Variants in TMEM132E observed in about 807,000 individuals in gnomAD.
TMEM132E encodes the protein transmembrane protein 132E.
TMEM132E carries 49 observed loss-of-function variants against 78.5 expected under a neutral mutation model. The observed-to-expected ratio is 0.62, with a 90% CI of 0.50 to 0.79. The LOEUF (loss-of-function observed/expected upper bound fraction) is 0.79. Ranked by LOEUF, TMEM132E falls within the 30% of genes least tolerant of loss-of-function variation. TMEM132E has a pLI of 0.00. For synonymous variants in TMEM132E, 715 were observed against 670.6 expected (o/e 1.07, Z -1.02); for missense variants, 1,403 against 1,470.9 (o/e 0.95, Z 0.75).
At position 34,639,114 on chromosome 17, in the gene TMEM132E, A is replaced by C. The variant is rs1907653107; in HGVS notation, c.*882A>C. 2.0e-5 allele frequency: 3 copies of C among 152,628 alleles called. No individual in the cohort carries two copies. In the South Asian group the frequency reaches 6.2e-4, roughly 32 times the overall value. The allele number at this position is 152,628 out of a possible 1,614,324, so 9.5% of individuals were successfully genotyped here. On this transcript the variant is annotated 3_prime_UTR_variant, in exon 9 of 9. Transcript: ENST00000631683. ...CAGCCACCTATGCCCCACAAGACGG[A>C]ACCCGGGAGGGGAGTAGAGGGCACC...
Position 34,637,795 on chromosome 17 carries a change from G to T in TMEM132E, c.2788G>T (p.Asp930Tyr). The change falls in exon 9 of 9, where the codon GAC becomes TAC. Residue 930 changes from aspartate to tyrosine, a missense_variant. Asp to Tyr is a radical substitution (Grantham distance 160). Around this residue, in one of 3 missense-constraint regions of TMEM132E, gnomAD observed 888 missense variants for 952.8 expected, o/e 0.93. Coordinates refer to ENST00000631683, the MANE Select transcript of TMEM132E (RefSeq NM_001304438.2). Reference protein sequence around the residue: ...RIPPEGQTSMDHSHHWVFLGN... With the variant: ...RIPPEGQTSMYHSHHWVFLGN... ...CCCGCCCGAGGGCCAGACCAGCATG[G>T]ACCACTCTCACCACTGGGTGTTCCT... The T allele has an allele frequency of 6.2e-7, 1 of 1,613,302 alleles. No individual in the cohort carries two copies.
intron 1 of TMEM132E, among the ~76,000 whole-genome samples, chr17:34,593,091 T>A (rs1788175279): frequency 6.6e-6 from 1 of 151,158 alleles, no homozygotes; most frequent in African/African-American, 2.4e-5. Flanking sequence ...TTAACCAATA[T>A]GCCCAAACAA....
Position 34,629,113 on chromosome 17 carries a change from G to A in TMEM132E, c.1247G>A (p.Arg416His), listed in dbSNP as rs781374708. The A allele has an allele frequency of 8.8e-5, 142 of 1,613,414 alleles. 1 individual carries two copies. The highest frequency in any genetic ancestry group is 1.1e-4 in the Non-Finnish European group (130 of 1,179,572). ...KRRIMWHIDYRGHGALPDLER... is the reference protein window; with the variant it reads ...KRRIMWHIDYHGHGALPDLER... The stretch of plus-strand genomic sequence containing the variant: ...AGGATCATGTGGCACATTGACTACC[G>A]TGGCCACGGCGCCCTGCCTGACCTG... The change falls in exon 4 of 9, where the codon CGT becomes CAT. Residue 416 changes from arginine (R) to histidine (H), a missense_variant. By Grantham distance (29) the Arg-to-His change is conservative (BLOSUM62 0). Around this residue, in one of 3 missense-constraint regions of TMEM132E, gnomAD observed 888 missense variants for 952.8 expected, o/e 0.93. Transcript: ENST00000631683.
At chr17:34,586,120 GCCTCTCTCCCCA>G (rs1905667957) in intron 1 of TMEM132E, among the ~76,000 whole-genome samples, 6 of 151,956 alleles carry the variant, frequency 3.9e-5, no homozygotes, top group Non-Finnish European at 5.9e-5. Flanking sequence ...CAGAGCACAC[GCCTCTCTCCCCA>G]AGCACACGCC....
chr17:34,629,911 G>GA, intron 4 of TMEM132E, 97 bp from the exon 5 acceptor site: 1 of 1,294,040 alleles, frequency 7.7e-7, no homozygotes, highest in Non-Finnish European at 1.0e-6. Flanking sequence ...TGCATCTGAG[G>GA]AGTGGGGGGG....
intron 1 of TMEM132E, among the ~76,000 whole-genome samples, chr17:34,613,252 T>C (rs1390501605): frequency 6.7e-6 from 1 of 149,706 alleles, no homozygotes; most frequent in African/African-American, 2.4e-5. Flanking sequence ...TTCCGTTGTT[T>C]GCGGCTAATT....
Position 34,629,267 on chromosome 17 carries a change from G to A in TMEM132E, c.1338+63G>A, listed in dbSNP as rs758403. ...TCTATGCATGTGTGCACATTTGTGT[G>A]ACAAGAATGTGAACCACTGAGTATA... On this transcript the variant is annotated intron_variant, in intron 4 of 8. Coordinates refer to ENST00000631683, the MANE Select transcript of TMEM132E (RefSeq NM_001304438.2). 0.48 allele frequency: 739,684 copies of A among 1,537,408 alleles called. 180,510 individuals are homozygous for A. Among genetic ancestry groups the A allele is most frequent in the Admixed American group, 0.64 (34,132 of 53,268 alleles).
At position 34,629,042 on chromosome 17, in the gene TMEM132E, G is replaced by A; in HGVS notation, c.1176G>A (p.Gln392=). The A allele has an allele frequency of 6.3e-7, 1 of 1,584,184 alleles. No homozygotes were observed. Among genetic ancestry groups the A allele is most frequent in the Non-Finnish European group, 8.6e-7 (1 of 1,162,134 alleles). The change falls in exon 4 of 9, where the codon CAG becomes CAA. Residue 392 remains glutamine, a synonymous_variant. Coordinates refer to ENST00000631683, the MANE Select transcript of TMEM132E (RefSeq NM_001304438.2). ...REGQGPLEIL[Q]LDFEMENFTS... is the part of the protein sequence containing the mutation. ...GCCAGGGCCCCTTGGAGATCTTGCA[G>A]CTGGACTTTGAAATGGAGAACTTCA...
Position 34,629,990 on chromosome 17 carries a change from C to A in TMEM132E, c.1339-18C>A, listed in dbSNP as rs370219741. The A allele has an allele frequency of 1.3e-5, 21 of 1,589,512 alleles. No individual in the cohort carries two copies. Among genetic ancestry groups the A allele is most frequent in the African/African-American group, 8.0e-5 (6 of 74,576 alleles). On this transcript the variant is annotated intron_variant, in intron 4 of 8. Coordinates refer to ENST00000631683, the MANE Select transcript of TMEM132E (RefSeq NM_001304438.2). ...GAAGGGGACCACAAGTAGAGCCCCC[C>A]CCTTCTCCTCCCTGCAGGACACAGA...
At chr17:34,591,348 A>AGGCTGGAGT (rs1905865709) in intron 1 of TMEM132E, among the ~76,000 whole-genome samples, 1 of 148,778 alleles carries the variant, frequency 6.7e-6, no homozygotes, top group African/African-American at 2.5e-5. Flanking sequence ...TCTGTCACCC[A>AGGCTGGAGT]GGCTGGAGTG....
At chr17:34,624,205 G>A (rs547751674) in intron 1 of TMEM132E, among the ~76,000 whole-genome samples, 66 of 152,366 alleles carry the variant, frequency 4.3e-4, no homozygotes, top group South Asian at 3.5e-3. Context: ...TTAGTTCACC[G>A]CTTTTGCGAG....
chr17:34,610,181 G>A (rs1405610667), intron 1 of TMEM132E, among the ~76,000 whole-genome samples: 1 of 152,186 alleles, frequency 6.6e-6, no homozygotes, highest in Non-Finnish European at 1.5e-5. Context: ...CTACCTTTTA[G>A]CATGGTTATT....
chr17:34,613,413 G>T (rs1432326548), intron 1 of TMEM132E, among the ~76,000 whole-genome samples: 1 of 140,484 alleles, frequency 7.1e-6, no homozygotes. Context: ...TTAGCTGGCT[G>T]GGTTCCCAGG....
chr17:34,626,056 T>G, intron 1 of TMEM132E, 71 bp from the exon 2 acceptor site: 5 of 1,374,014 alleles, frequency 3.6e-6, no homozygotes, highest in Non-Finnish European at 4.8e-6. Flanking sequence ...GAGACGAGCC[T>G]GGGGGCACCC....
intron 1 of TMEM132E, among the ~76,000 whole-genome samples, chr17:34,588,061 A>G (rs966336386): frequency 6.6e-6 from 1 of 152,160 alleles, no homozygotes; most frequent in Non-Finnish European, 1.5e-5. Flanking sequence ...CTGACCCTCC[A>G]GTTTCCTCTG....
intron 2 of TMEM132E, 152 bp downstream of exon 2, chr17:34,627,209 C>A: frequency 1.2e-6 from 1 of 832,018 alleles, no homozygotes; most frequent in South Asian, 1.7e-5. Flanking sequence ...ACTTGAGCAA[C>A]CTCAGGAAGA....
chr17:34,637,083 C>T, intron 8 of TMEM132E, 94 bp from the exon 9 acceptor site: 2 of 1,112,554 alleles, frequency 1.8e-6, no homozygotes, highest in South Asian at 3.0e-5. Context: ...AGCCAGAGAC[C>T]CGTGGTCCCT....
chr17:34,610,395 G>A (rs556080991), intron 1 of TMEM132E, among the ~76,000 whole-genome samples: 16 of 152,256 alleles, frequency 1.1e-4, no homozygotes, highest in African/African-American at 3.1e-4. Context: ...GGTGAAAGGC[G>A]CGGTCTCTGC....
intron 1 of TMEM132E, among the ~76,000 whole-genome samples, chr17:34,589,636 A>C (rs1456774923): frequency 6.6e-6 from 1 of 152,092 alleles, no homozygotes; most frequent in Admixed American, 6.5e-5. Flanking sequence ...ACTTCTTCTG[A>C]GTCCCTGAGC....
Sources: allele counts gnomAD v4.1 joint callset (sites outside exome capture counted in the v4.1 genomes callset), GRCh38; gene constraint gnomAD v4.1.1; regional missense constraint gnomAD v4.1.1; transcripts MANE v1.5; gene names NCBI Gene and HGNC (gene_info 2026-07-23, HGNC 2026-07-21).